CAND1: variants seen among roughly 807,000 people sequenced by gnomAD.
The protein encoded by CAND1 is cullin associated and neddylation dissociated 1.
CAND1 carries 7 observed loss-of-function variants against 108.5 expected under a neutral mutation model. That is an observed-to-expected ratio of 0.06 (90% CI 0.04 to 0.12). The LOEUF is 0.12. Ranked by LOEUF, CAND1 falls within the 10% of genes least tolerant of loss-of-function variation. CAND1 has a pLI of 1.00. For synonymous variants in CAND1, 534 were observed against 512.0 expected (o/e 1.04, Z -0.58); for missense variants, 941 against 1,448.7 (o/e 0.65, Z 5.69).
At chr12:67,310,395 A>C in intron 13 of CAND1, 79 bp downstream of exon 13, 24 of 1,042,862 alleles carry the variant, frequency 2.3e-5, no homozygotes, top group Non-Finnish European at 3.1e-5. Context: ...TAATTTACTC[A>C]TGTGTCTGAG....
intron 10 of CAND1, 53 bp downstream of exon 10, chr12:67,306,650 C>T (rs910035524): frequency 4.4e-6 from 6 of 1,349,646 alleles, no homozygotes; most frequent in African/African-American, 1.5e-5. Context: ...AGTTGGTTGC[C>T]TTAAAAGACA....
intron 2 of CAND1, among the ~76,000 whole-genome samples, chr12:67,284,202 T>C (rs1458144617): frequency 6.6e-6 from 1 of 151,930 alleles, no homozygotes; most frequent in Non-Finnish European, 1.5e-5. Context: ...TTCTAGAACA[T>C]AGGGTAAGTA....
intron 6 of CAND1, among the ~76,000 whole-genome samples, chr12:67,298,430 G>T (rs2044790592): frequency 6.6e-6 from 1 of 152,192 alleles, no homozygotes; most frequent in Non-Finnish European, 1.5e-5. Flanking sequence ...GTTTTGAGAA[G>T]TGGCTTTTAA....
At chr12:67,281,854 C>A in intron 1 of CAND1, 56 bp from the exon 2 acceptor site, 2 of 1,270,306 alleles carry the variant, frequency 1.6e-6, no homozygotes, top group South Asian at 1.5e-5. Flanking sequence ...AAATCATTAT[C>A]TTTTTAAATT....
At position 67,278,507 on chromosome 12, in the gene CAND1, CTTTG is replaced by C. The variant is rs2044590787; in HGVS notation, c.69-3399_69-3396del. On this transcript the variant is annotated intron_variant, in intron 1 of 14. Coordinates refer to ENST00000545606, the MANE Select transcript of CAND1 (RefSeq NM_018448.5). ...CCGCAGTTCAGTCTAGGTCATGTTA[CTTTG>C]TTTATATGATAGTGCTTTCTTGTTT... Among the ~76,000 whole-genome samples, 2 of 151,804 alleles carry C rather than the reference CTTTG, an allele frequency of 1.3e-5. 1 individual carries two copies. Among genetic ancestry groups the C allele is most frequent in the African/African-American group, 4.8e-5 (2 of 41,332 alleles).
rs1481379717 is a variant in CAND1 at position 67,306,614 on chromosome 12, TCTTA to T, written c.2929+22_2929+25del. The stretch of plus-strand genomic sequence containing the variant: ...TGATATCAGGTAGGTATCTAGATTT[TCTTA>T]CTTAAAAAGTTTTTTATTGATAGTT... On this transcript the variant is annotated intron_variant, in intron 10 of 14. Transcript: ENST00000545606. 2 of 1,550,830 alleles carry T rather than the reference TCTTA, an allele frequency of 1.3e-6. No individual in the cohort carries two copies.
intron 10 of CAND1, among the ~76,000 whole-genome samples, chr12:67,307,108 T>C (rs893192766): frequency 2.0e-5 from 3 of 152,166 alleles, no homozygotes; most frequent in African/African-American, 7.2e-5. Context: ...TAAGCGGTTT[T>C]GGATTTAGCT....
chr12:67,291,472 C>T (rs1346349580), intron 2 of CAND1, among the ~76,000 whole-genome samples: 1 of 152,158 alleles, frequency 6.6e-6, no homozygotes, highest in East Asian at 1.9e-4. Context: ...TGTCCTTTAT[C>T]TGAAATGCTT....
At position 67,299,056 on chromosome 12, in the gene CAND1, A is replaced by G. The variant is rs2044797564; in HGVS notation, c.961A>G (p.Asn321Asp). 1.1e-5 allele frequency: 16 copies of G among 1,507,904 alleles called. No homozygotes were observed. Among genetic ancestry groups the G allele is most frequent in the Non-Finnish European group, 1.3e-5 (14 of 1,089,738 alleles). The allele number at this position is 1,507,904 out of a possible 1,614,324, so 93.4% of individuals were successfully genotyped here. A position where few individuals can be genotyped will look rare whatever the true frequency, so the allele number is the denominator to read the frequency against. ...YNYDDEDEDE[N>D]AMDADGGDDD... Reference sequence around the variant, plus strand: ...TTACGATGATGAAGATGAAGATGAAAATGCAATGGATGCTGATGGTGGTGA... The same window carrying G: ...TTACGATGATGAAGATGAAGATGAAGATGCAATGGATGCTGATGGTGGTGA... The change falls in exon 7 of 15, where the codon AAT (asparagine) becomes GAT (aspartate). Residue 321 changes from asparagine (N) to aspartate (D), a missense_variant. Asn to Asp is a conservative substitution (Grantham distance 23). Coordinates refer to ENST00000545606, the MANE Select transcript of CAND1 (RefSeq NM_018448.5).
intron 2 of CAND1, among the ~76,000 whole-genome samples, chr12:67,285,995 GTTTTA>G (rs1446696476): frequency 6.6e-6 from 1 of 151,974 alleles, no homozygotes; most frequent in Non-Finnish European, 1.5e-5. Flanking sequence ...ATGTGTCTTT[GTTTTA>G]TTTTATTTAT....
rs754030557 is a variant in CAND1 at position 67,292,613 on chromosome 12, G to C, written c.213-9G>C. 1 of 1,583,064 alleles carries C rather than the reference G, an allele frequency of 6.3e-7. No homozygotes were observed. Among genetic ancestry groups the C allele is most frequent in the African/African-American group, 1.4e-5 (1 of 73,210 alleles). On this transcript the variant is annotated splice_polypyrimidine_tract_variant and intron_variant, in intron 2 of 14. Transcript: ENST00000545606. ...GCTTTTTTTAAACAATTTCTTCTTTGTATTACAGTCTTGGTCCTTTAGTGA... is the reference window on the plus strand; with the variant it reads ...GCTTTTTTTAAACAATTTCTTCTTTCTATTACAGTCTTGGTCCTTTAGTGA...
At chr12:67,309,128 A>G (rs1228815036) in intron 11 of CAND1, among the ~76,000 whole-genome samples, 3 of 152,014 alleles carry the variant, frequency 2.0e-5, no homozygotes, top group Non-Finnish European at 4.4e-5. Flanking sequence ...TCCTCATTTT[A>G]TTGACTGAGA....
chr12:67,292,838 T>G, intron 3 of CAND1, 62 bp downstream of exon 3: 1 of 1,539,614 alleles, frequency 6.5e-7, no homozygotes, highest in East Asian at 2.3e-5. Flanking sequence ...TCCCCACCCT[T>G]TTTTCCCCTT....
At chr12:67,291,855 C>T (rs1233990183) in intron 2 of CAND1, among the ~76,000 whole-genome samples, 10 of 152,056 alleles carry the variant, frequency 6.6e-5, no homozygotes, top group African/African-American at 2.4e-4. Context: ...GGAGCAGACT[C>T]CTAATTCGCC....
chr12:67,308,816 G>A (rs1474159229), intron 11 of CAND1, among the ~76,000 whole-genome samples: 1 of 151,848 alleles, frequency 6.6e-6, no homozygotes, highest in East Asian at 1.9e-4. Context: ...CTGTTTCTCA[G>A]ACTTTTTTTT....
intron 14 of CAND1, among the ~76,000 whole-genome samples, chr12:67,312,167 ATT>A (rs11331453): frequency 4.4e-4 from 65 of 148,982 alleles, no homozygotes; most frequent in South Asian, 6.4e-4. Flanking sequence ...AAAAATCAAG[ATT>A]TTTTTTTTTT....
At chr12:67,279,392 C>G (rs12580790) in intron 1 of CAND1, among the ~76,000 whole-genome samples, 73,451 of 151,900 alleles carry the variant, frequency 0.48, 19,286 homozygotes, top group Non-Finnish European at 0.59. Context: ...GGACAGCTTT[C>G]AAACTGGTCA....
intron 7 of CAND1, 91 bp from the exon 8 acceptor site, chr12:67,302,232 G>A: frequency 8.4e-7 from 1 of 1,194,772 alleles, no homozygotes; most frequent in Non-Finnish European, 1.2e-6. Context: ...TAGATTAACT[G>A]ATTTGGTTAA....
intron 2 of CAND1, among the ~76,000 whole-genome samples, chr12:67,282,700 A>G (rs1031322527): frequency 1.3e-5 from 2 of 152,212 alleles, no homozygotes; most frequent in African/African-American, 4.8e-5. Flanking sequence ...CCAAAAAACT[A>G]CTAATAATAA....
Sources: gnomAD v4.1 joint callset for allele counts (sites outside exome capture counted in the v4.1 genomes callset) on GRCh38, gnomAD v4.1.1 for gene constraint, MANE v1.5 for transcripts, NCBI Gene and HGNC (gene_info 2026-07-23, HGNC 2026-07-21) for gene names.